The following ARHGAP24 variants were observed in gnomAD, a reference collection of about 807,000 sequenced individuals.
ARHGAP24 encodes rho GTPase-activating protein 24.
Under a neutral mutation model 76.4 loss-of-function variants are expected in ARHGAP24, and 50 were observed. The ratio of observed to expected loss-of-function variants is 0.65; its 90% CI spans 0.52 to 0.83. ARHGAP24 has a LOEUF of 0.83. ARHGAP24 is among the 40% of genes least tolerant of loss of function. ARHGAP24 has a pLI of 0.00. For missense variants in ARHGAP24, 930 were observed against 914.2 expected (o/e 1.02, Z -0.22); for synonymous variants, 345 against 323.3 (o/e 1.07, Z -0.72).
chr4:85,793,136 T>A (rs1728200863), intron 3 of ARHGAP24, among the ~76,000 whole-genome samples: 2 of 152,162 alleles, frequency 1.3e-5, no homozygotes, highest in Admixed American at 1.3e-4. Flanking sequence ...CACCATTCAC[T>A]ACCCTCTACC....
chr4:85,881,876 T>G (rs1733273511), intron 3 of ARHGAP24, among the ~76,000 whole-genome samples: 1 of 152,200 alleles, frequency 6.6e-6, no homozygotes, highest in Admixed American at 6.5e-5. Flanking sequence ...ATGAATAAAA[T>G]AAATCGGATA....
chr4:85,754,971 G>A (rs894679483), intron 3 of ARHGAP24, among the ~76,000 whole-genome samples: 2 of 152,184 alleles, frequency 1.3e-5, no homozygotes, highest in Non-Finnish European at 2.9e-5. Context: ...AAGGATCCCT[G>A]TAGCTAAAAA....
At chr4:85,646,495 A>G (rs1050493398) in intron 2 of ARHGAP24, among the ~76,000 whole-genome samples, 1 of 152,000 alleles carries the variant, frequency 6.6e-6, no homozygotes, top group African/African-American at 2.4e-5. Flanking sequence ...AGAAGTCTAT[A>G]CTATTATTTT....
intron 2 of ARHGAP24, among the ~76,000 whole-genome samples, chr4:85,705,888 G>C (rs1724290834): frequency 6.6e-6 from 1 of 151,886 alleles, no homozygotes; most frequent in Admixed American, 6.6e-5. Flanking sequence ...TCTGAGTCAT[G>C]AGGGGTCTGG....
intron 3 of ARHGAP24, among the ~76,000 whole-genome samples, chr4:85,888,899 G>T (rs1733726628): frequency 6.6e-6 from 1 of 152,090 alleles, no homozygotes; most frequent in African/African-American, 2.4e-5. Flanking sequence ...TCTCATGTTA[G>T]TTTGCTAAGG....
chr4:85,599,113 G>A (rs1578067121), intron 2 of ARHGAP24, among the ~76,000 whole-genome samples: 1 of 152,074 alleles, frequency 6.6e-6, no homozygotes. Context: ...CTACCTCTTT[G>A]AACAACACAA....
intron 4 of ARHGAP24, among the ~76,000 whole-genome samples, chr4:85,924,395 C>T (rs7685704): frequency 0.3 from 45,739 of 151,428 alleles, 7,122 homozygotes; most frequent in South Asian, 0.5. Context: ...TGCCAAGAAA[C>T]AGAAAATAGA....
At chr4:85,789,549 C>G (rs1728023262) in intron 3 of ARHGAP24, among the ~76,000 whole-genome samples, 1 of 152,068 alleles carries the variant, frequency 6.6e-6, no homozygotes, top group Admixed American at 6.5e-5. Flanking sequence ...ACATCTGATG[C>G]TACAGAGTAT....
At chr4:85,522,856 C>T (rs113491687) in intron 1 of ARHGAP24, among the ~76,000 whole-genome samples, 2 of 152,196 alleles carry the variant, frequency 1.3e-5, no homozygotes. Flanking sequence ...TTTGCCCCCA[C>T]TTCAAGGCCC....
chr4:85,648,669 T>C (rs969343744), intron 2 of ARHGAP24, among the ~76,000 whole-genome samples: 1 of 152,126 alleles, frequency 6.6e-6, no homozygotes, highest in Non-Finnish European at 1.5e-5. Context: ...TCCTCTGAGT[T>C]TTTAATAGGA....
At position 85,602,087 on chromosome 4, in the gene ARHGAP24, C is replaced by T. The variant is rs547809883; in HGVS notation, c.180+31366C>T. ...ACGGAAGATAGCCAGAGACTTTCTG[C>T]GTGATAGAGCTTTTAGGGAGATGTT... is the stretch of plus-strand genomic sequence containing the variant. On this transcript the variant is annotated intron_variant, in intron 2 of 9. Transcript: ENST00000395184. Among the ~76,000 whole-genome samples the T allele has an allele frequency of 5.9e-5, 9 of 152,238 alleles. No individual in the cohort carries two copies. The East Asian group carries it at 1.4e-3, about 23-fold the overall frequency.
At chr4:85,608,500 G>A (rs1188090020) in intron 2 of ARHGAP24, among the ~76,000 whole-genome samples, 1 of 148,462 alleles carries the variant, frequency 6.7e-6, no homozygotes, top group Non-Finnish European at 1.5e-5. Context: ...CTGTGGCCCT[G>A]TGCTTCATAT....
chr4:85,640,143 ACACTATGAGGCCGTTAGC>A (rs1560564974), intron 2 of ARHGAP24, among the ~76,000 whole-genome samples: 1 of 152,126 alleles, frequency 6.6e-6, no homozygotes, highest in African/African-American at 2.4e-5. Flanking sequence ...TCAGATGCTT[ACACTATGAGGCCGTTAGC>A]CACCTGCCTT....
intron 2 of ARHGAP24, among the ~76,000 whole-genome samples, chr4:85,587,959 A>G (rs1489610936): frequency 1.3e-5 from 2 of 152,190 alleles, no homozygotes; most frequent in Non-Finnish European, 2.9e-5. Context: ...TCATGATAGT[A>G]GGGCCTATTT....
At chr4:85,764,946 T>C (rs1025358950) in intron 3 of ARHGAP24, among the ~76,000 whole-genome samples, 1 of 152,136 alleles carries the variant, frequency 6.6e-6, no homozygotes, top group Non-Finnish European at 1.5e-5. Context: ...GCATATGTTA[T>C]CATAGAGAAG....
chr4:85,986,015 T>G (rs1371053730), intron 8 of ARHGAP24, among the ~76,000 whole-genome samples: 1 of 152,240 alleles, frequency 6.6e-6, no homozygotes, highest in African/African-American at 2.4e-5. Flanking sequence ...TGGTGGATGT[T>G]TAAGTGAATG....
chr4:85,614,165 G>T (rs760011514), intron 2 of ARHGAP24, among the ~76,000 whole-genome samples: 40 of 152,118 alleles, frequency 2.6e-4, no homozygotes, highest in Admixed American at 5.2e-4. Flanking sequence ...CAGTCTCCAA[G>T]AAGAAAACAG....
chr4:85,642,670 A>G (rs957438711), intron 2 of ARHGAP24, among the ~76,000 whole-genome samples: 1 of 151,044 alleles, frequency 6.6e-6, no homozygotes, highest in African/African-American at 2.5e-5. Context: ...TTACACTTCT[A>G]CTGCTACCAC....
At position 85,942,058 on chromosome 4, in the gene ARHGAP24, T is replaced by C; in HGVS notation, c.392-8T>C. 6.2e-7 allele frequency: 1 copy of C among 1,613,362 alleles called. No individual in the cohort carries two copies. The highest frequency in any genetic ancestry group is 1.1e-5 in the South Asian group (1 of 91,028). On this transcript the variant is annotated splice_region_variant and splice_polypyrimidine_tract_variant and intron_variant, in intron 4 of 9. Coordinates refer to ENST00000395184, the MANE Select transcript of ARHGAP24 (RefSeq NM_001025616.3). ...TTCCCAAGTTTACTGTGATCCTTTT[T>C]TTTTAAGGCATTTTTGGACAGAAAC... is the stretch of plus-strand genomic sequence containing the variant.
Sources: gnomAD v4.1 joint callset for allele counts (sites outside exome capture counted in the v4.1 genomes callset) on GRCh38, gnomAD v4.1.1 for gene constraint, MANE v1.5 for transcripts, NCBI Gene and HGNC (gene_info 2026-07-23, HGNC 2026-07-21) for gene names.